GMDS: variants seen among roughly 807,000 people sequenced by gnomAD.
GMDS encodes the protein GDP-mannose 4,6-dehydratase, also known as GDP-mannose 4,6 dehydratase.
A neutral mutation model predicts 49.9 loss-of-function variants in GMDS; 20 were observed. That is an observed-to-expected ratio of 0.40 (90% CI 0.28 to 0.58). The LOEUF (loss-of-function observed/expected upper bound fraction) is 0.58, where lower values mean the gene tolerates loss of function less well. Ranked by LOEUF, GMDS falls within the 20% of genes least tolerant of loss-of-function variation. The probability of loss-of-function intolerance (pLI) is 0.42; values close to 1 mark genes in which losing one functional copy is unlikely to be tolerated. For missense variants in GMDS, 362 were observed against 481.4 expected (o/e 0.75, Z 2.32); for synonymous variants, 177 against 178.6 (o/e 0.99, Z 0.07).
intron 7 of GMDS, among the ~76,000 whole-genome samples, chr6:1,827,076 ATATGTGTGTGTG>A (rs1296340929): frequency 0.018 from 2,016 of 111,198 alleles, 48 homozygotes; most frequent in African/African-American, 0.06. Flanking sequence ...AAAAAAATAT[ATATGTGTGTGTG>A]TGTGTGTGTG....
intron 4 of GMDS, among the ~76,000 whole-genome samples, chr6:2,028,459 A>G (rs1768741735): frequency 1.3e-5 from 2 of 152,208 alleles, no homozygotes; most frequent in African/African-American, 2.4e-5. Context: ...TTAATTAACC[A>G]AAACAAAAAT....
At chr6:2,076,266 A>C (rs1335811526) in intron 4 of GMDS, among the ~76,000 whole-genome samples, 2 of 152,190 alleles carry the variant, frequency 1.3e-5, no homozygotes, top group South Asian at 2.1e-4. Flanking sequence ...ATTAGATCCC[A>C]TACAAATGGA....
intron 4 of GMDS, among the ~76,000 whole-genome samples, chr6:2,106,436 T>C (rs1055560419): frequency 6.6e-6 from 1 of 152,210 alleles, no homozygotes; most frequent in Non-Finnish European, 1.5e-5. Flanking sequence ...CTATGTATTT[T>C]AAAAGAGGTA....
chr6:1,911,358 G>T (rs1037079592), intron 7 of GMDS, among the ~76,000 whole-genome samples: 1 of 152,134 alleles, frequency 6.6e-6, no homozygotes, highest in Non-Finnish European at 1.5e-5. Flanking sequence ...AATGAAAACT[G>T]GCATATTAAG....
chr6:1,899,561 A>C (rs1326045470), intron 7 of GMDS, among the ~76,000 whole-genome samples: 1 of 152,212 alleles, frequency 6.6e-6, no homozygotes, highest in Non-Finnish European at 1.5e-5. Context: ...CAAGAGAGAA[A>C]GCCGGTGGGC....
At chr6:1,814,364 A>G (rs1770566728) in intron 7 of GMDS, among the ~76,000 whole-genome samples, 1 of 152,114 alleles carries the variant, frequency 6.6e-6, no homozygotes, top group African/African-American at 2.4e-5. Context: ...TTGGGACTAT[A>G]AAGACTACTG....
chr6:1,779,067 A>G (rs1768967247), intron 7 of GMDS, among the ~76,000 whole-genome samples: 1 of 152,056 alleles, frequency 6.6e-6, no homozygotes, highest in African/African-American at 2.4e-5. Context: ...CTCAAGAGAA[A>G]TGAGCTGTAC....
At chr6:2,205,809 TG>T (rs1779781820) in intron 1 of GMDS, among the ~76,000 whole-genome samples, 1 of 152,102 alleles carries the variant, frequency 6.6e-6, no homozygotes, top group African/African-American at 2.4e-5. Context: ...GGCTTTTGTG[TG>T]TAAGTGTGAC....
intron 7 of GMDS, among the ~76,000 whole-genome samples, chr6:1,877,495 A>G (rs546205039): frequency 1.3e-3 from 195 of 152,040 alleles, no homozygotes; most frequent in African/African-American, 4.4e-3. Flanking sequence ...AAAATTAGCC[A>G]GGCGTGACGG....
At chr6:2,114,170 A>T (rs1774713302) in intron 4 of GMDS, among the ~76,000 whole-genome samples, 1 of 152,154 alleles carries the variant, frequency 6.6e-6, no homozygotes. Context: ...CTTTATAAAA[A>T]TTTTCTGCAT....
chr6:1,726,323 G>A, intron 9 of GMDS, 93 bp downstream of exon 9: 3 of 814,702 alleles, frequency 3.7e-6, no homozygotes, highest in Non-Finnish European at 4.3e-6. Context: ...TGAACTGACA[G>A]CTCCAAAGGC....
intron 7 of GMDS, among the ~76,000 whole-genome samples, chr6:1,769,259 T>C (rs1437338767): frequency 2.6e-5 from 4 of 152,200 alleles, no homozygotes; most frequent in Non-Finnish European, 5.9e-5. Flanking sequence ...AAGCAACCAG[T>C]GTAACAGAAG....
At chr6:2,067,551 A>G (rs1348273557) in intron 4 of GMDS, among the ~76,000 whole-genome samples, 1 of 152,180 alleles carries the variant, frequency 6.6e-6, no homozygotes, top group Non-Finnish European at 1.5e-5. Context: ...GAGAAGAATC[A>G]AATAGACACA....
At chr6:1,999,823 T>C (rs1467783809) in intron 4 of GMDS, among the ~76,000 whole-genome samples, 1 of 140,262 alleles carries the variant, frequency 7.1e-6, no homozygotes, top group Non-Finnish European at 1.5e-5. Context: ...CTGACATTCT[T>C]ATCTGTTGCC....
intron 4 of GMDS, among the ~76,000 whole-genome samples, chr6:2,008,627 G>A (rs114612096): frequency 1.3e-5 from 2 of 152,318 alleles, no homozygotes; most frequent in African/African-American, 4.8e-5. Context: ...GTAGATAACA[G>A]ACAATTAAGG....
At chr6:1,834,446 ATCTTT>A (rs1581237256) in intron 7 of GMDS, among the ~76,000 whole-genome samples, 2 of 152,180 alleles carry the variant, frequency 1.3e-5, no homozygotes, top group African/African-American at 4.8e-5. Context: ...GTTGGGATCC[ATCTTT>A]TCTTAGCGCT....
intron 8 of GMDS, among the ~76,000 whole-genome samples, chr6:1,738,047 CAT>C: frequency 7.2e-6 from 1 of 138,966 alleles, no homozygotes; most frequent in Non-Finnish European, 1.5e-5. Flanking sequence ...ACACACACCA[CAT>C]ACACCACACA....
In GMDS at chr6:2,203,349, C is replaced by T. The variant is rs367964878; in HGVS notation, c.102+41972G>A. Among the ~76,000 whole-genome samples, 66 of 152,246 alleles carry T rather than the reference C, an allele frequency of 4.3e-4. No homozygotes were observed. In the East Asian group the frequency reaches 9.8e-3, roughly 23 times the overall value. ...ACAATTCTCCAATTTAAAAATAATA[C>T]GGCCTTCCCTGTCGGGCTTTGCTGC... is the stretch of plus-strand genomic sequence containing the variant. On this transcript the variant is annotated intron_variant, in intron 1 of 10. Transcript: ENST00000380815.
At chr6:1,785,090 T>A (rs1769264025) in intron 7 of GMDS, among the ~76,000 whole-genome samples, 1 of 152,214 alleles carries the variant, frequency 6.6e-6, no homozygotes, top group Non-Finnish European at 1.5e-5. Context: ...AACTGCTGGA[T>A]AAAGCTATAG....
Sources: gnomAD v4.1 joint callset for allele counts (sites outside exome capture counted in the v4.1 genomes callset) on GRCh38, gnomAD v4.1.1 for gene constraint, MANE v1.5 for transcripts, NCBI Gene and HGNC (gene_info 2026-07-23, HGNC 2026-07-21) for gene names.